The following INTS9 variants were observed in gnomAD, a reference collection of about 807,000 sequenced individuals.
INTS9 encodes the protein protein related to CPSF subunits of 74 kDa.
INTS9 carries 55 observed loss-of-function variants against 79.7 expected under a neutral mutation model. The ratio of observed to expected loss-of-function variants is 0.69; its 90% CI spans 0.56 to 0.86. The LOEUF is 0.86. Ranked by LOEUF, INTS9 falls within the 40% of genes least tolerant of loss-of-function variation. The probability of loss-of-function intolerance (pLI) is 0.00; values close to 1 mark genes in which losing one functional copy is unlikely to be tolerated. For synonymous variants in INTS9, 319 were observed against 325.2 expected (o/e 0.98, Z 0.20); for missense variants, 721 against 831.5 (o/e 0.87, Z 1.64).
At position 28,770,086 on chromosome 8, in the gene INTS9, A is replaced by G. The variant is rs1057134755; in HGVS notation, c.1663-60T>C. 27 of 1,583,512 alleles carry G rather than the reference A, an allele frequency of 1.7e-5. No homozygotes were observed. The African/African-American group carries it at 2.8e-4, about 17-fold the overall frequency. On this transcript the variant is annotated intron_variant, in intron 15 of 16. Transcript: ENST00000521022. Reference sequence around the variant, plus strand: ...TCCTCTGAGCAGCAGGGGCCACCGCAGGCCACACTGAGAGCCTGAGACTAT... The same window carrying G: ...TCCTCTGAGCAGCAGGGGCCACCGCGGGCCACACTGAGAGCCTGAGACTAT...
chr8:28,777,688 G>T, intron 13 of INTS9, 141 bp downstream of exon 13: 1 of 879,948 alleles, frequency 1.1e-6, no homozygotes, highest in Non-Finnish European at 1.6e-6. Flanking sequence ...GGGCTGGCAT[G>T]TGTCCCAGCA....
At position 28,791,137 on chromosome 8, in the gene INTS9, G is replaced by A. The variant is rs766230551; in HGVS notation, c.1037+2670C>T. Among the ~76,000 whole-genome samples, 4 of 152,116 alleles carry A rather than the reference G, an allele frequency of 2.6e-5. No homozygotes were observed. The South Asian group carries it at 8.3e-4, about 32-fold the overall frequency. On this transcript the variant is annotated intron_variant, in intron 10 of 16. Transcript: ENST00000521022. The stretch of plus-strand genomic sequence containing the variant: ...TGCCTTGCTTTCCTCCAGGATGGTA[G>A]AGACTGGAGTCTTCAGTCCCTCGAC...
At position 28,865,259 on chromosome 8, in the gene INTS9, T is replaced by TA. The variant is rs200979621; in HGVS notation, c.10-5697dup. On this transcript the variant is annotated intron_variant, in intron 1 of 16. Coordinates refer to ENST00000521022, the MANE Select transcript of INTS9 (RefSeq NM_018250.4). ...ACTGTGCAGATATAAAATTTTATTT[T>TA]AAAAAAAACACATTAGACAATGATT... Among the ~76,000 whole-genome samples, 54 of 151,188 alleles carry TA rather than the reference T, an allele frequency of 3.6e-4. 1 individual carries two copies. The East Asian group carries it at 8.9e-3, about 25-fold the overall frequency.
At chr8:28,808,952 C>CT (rs10712912) in intron 8 of INTS9, among the ~76,000 whole-genome samples, 2,281 of 144,722 alleles carry the variant, frequency 0.016, 27 homozygotes, top group Middle Eastern at 0.046. Context: ...GCCATTATAA[C>CT]TTTTTTTTTT....
intron 6 of INTS9, among the ~76,000 whole-genome samples, chr8:28,833,650 C>A (rs189351803): frequency 0.024 from 2,767 of 113,256 alleles, 89 homozygotes; most frequent in African/African-American, 0.082. Context: ...AAACAAAAAC[C>A]AAAAAAAAAA....
At chr8:28,829,897 T>G (rs1806370800) in intron 6 of INTS9, among the ~76,000 whole-genome samples, 1 of 152,172 alleles carries the variant, frequency 6.6e-6, no homozygotes. Context: ...TCGCTGGAGC[T>G]ACGAGTCAGC....
At chr8:28,852,253 G>C (rs888869326) in intron 2 of INTS9, among the ~76,000 whole-genome samples, 1 of 150,058 alleles carries the variant, frequency 6.7e-6, no homozygotes, top group East Asian at 1.9e-4. Flanking sequence ...TCACTACTGA[G>C]AGAATCAAAT....
chr8:28,786,966 C>T (rs1803639136), intron 11 of INTS9, among the ~76,000 whole-genome samples: 2 of 151,986 alleles, frequency 1.3e-5, no homozygotes, highest in Admixed American at 6.6e-5. Context: ...ATCCACCCGC[C>T]TTGGCCTCCC....
chr8:28,888,543 C>A (rs1810303449), intron 1 of INTS9, among the ~76,000 whole-genome samples: 1 of 152,312 alleles, frequency 6.6e-6, no homozygotes, highest in Non-Finnish European at 1.5e-5. Context: ...CAAAGCCAGA[C>A]CCTGTCTCTA....
intron 14 of INTS9, among the ~76,000 whole-genome samples, chr8:28,772,482 C>T (rs1208188524): frequency 6.6e-6 from 1 of 152,138 alleles, no homozygotes; most frequent in Admixed American, 6.5e-5. Flanking sequence ...CACTACACTC[C>T]AGCCTGGGCA....
chr8:28,816,932 T>C (rs1051920938), intron 6 of INTS9, among the ~76,000 whole-genome samples: 1 of 151,488 alleles, frequency 6.6e-6, no homozygotes, highest in African/African-American at 2.4e-5. Context: ...TCATGTGTTT[T>C]TTGGCTGCAT....
intron 1 of INTS9, among the ~76,000 whole-genome samples, chr8:28,881,842 C>T (rs1264753653): frequency 9.2e-6 from 1 of 108,746 alleles, no homozygotes; most frequent in Non-Finnish European, 2.0e-5. Flanking sequence ...GGGGGGTCAG[C>T]CCCCCGCCCG....
chr8:28,788,945 T>C (rs1448768180), intron 10 of INTS9, among the ~76,000 whole-genome samples: 1 of 152,210 alleles, frequency 6.6e-6, no homozygotes, highest in Admixed American at 6.5e-5. Context: ...AAAAAAATAG[T>C]CACTACTTTG....
intron 6 of INTS9, among the ~76,000 whole-genome samples, chr8:28,814,450 C>T (rs1805354914): frequency 6.6e-6 from 1 of 152,160 alleles, no homozygotes; most frequent in South Asian, 2.1e-4. Flanking sequence ...AAGTTCAATG[C>T]AAACGTTTAA....
At chr8:28,777,482 C>T (rs550094399) in intron 13 of INTS9, among the ~76,000 whole-genome samples, 1 of 152,314 alleles carries the variant, frequency 6.6e-6, no homozygotes, top group African/African-American at 2.4e-5. Flanking sequence ...TGCGACACGG[C>T]CCCAGTAACG....
At chr8:28,860,873 T>C (rs1206064184) in intron 1 of INTS9, among the ~76,000 whole-genome samples, 1 of 152,258 alleles carries the variant, frequency 6.6e-6, no homozygotes, top group Non-Finnish European at 1.5e-5. Flanking sequence ...AGGCTAAGTC[T>C]TTCCAGGTAT....
chr8:28,768,088 T>G lies in INTS9; in HGVS notation c.*58A>C. The stretch of plus-strand genomic sequence containing the variant: ...CTCTCATGCCACTCCTCAGGTGGCT[T>G]GTGAGGGCAGCCAGTGAGGGACTGC... On this transcript the variant is annotated 3_prime_UTR_variant, in exon 17 of 17. Transcript: ENST00000521022. 1.3e-6 allele frequency: 2 copies of G among 1,535,758 alleles called. No individual in the cohort carries two copies. Among genetic ancestry groups the G allele is most frequent in the African/African-American group, 1.4e-5 (1 of 73,554 alleles).
chr8:28,791,139 G>A (rs1047214383), intron 10 of INTS9, among the ~76,000 whole-genome samples: 2 of 152,154 alleles, frequency 1.3e-5, no homozygotes, highest in Admixed American at 6.5e-5. Context: ...GGATGGTAGA[G>A]ACTGGAGTCT....
chr8:28,830,154 T>A (rs1806395227), intron 6 of INTS9, among the ~76,000 whole-genome samples: 1 of 152,170 alleles, frequency 6.6e-6, no homozygotes, highest in African/African-American at 2.4e-5. Context: ...TTTGTCAATG[T>A]AGCATGCTGC....
Sources: gnomAD v4.1 joint callset for allele counts (sites outside exome capture counted in the v4.1 genomes callset) on GRCh38, gnomAD v4.1.1 for gene constraint, MANE v1.5 for transcripts, NCBI Gene and HGNC (gene_info 2026-07-23, HGNC 2026-07-21) for gene names.